ATP9B: variants seen among roughly 807,000 people sequenced by gnomAD.
ATP9B encodes ATPase phospholipid transporting 9B, also known as probable phospholipid-transporting ATPase IIB.
In ATP9B, 110 loss-of-function variants were observed where a neutral mutation model predicts 146.1. That is an observed-to-expected ratio of 0.75 (90% CI 0.65 to 0.88). The LOEUF is 0.88. Ranked by LOEUF, ATP9B falls within the 40% of genes least tolerant of loss-of-function variation. The pLI is 0.00. For missense variants in ATP9B, 1,499 were observed against 1,496.4 expected, an observed-to-expected ratio of 1.00 and a Z score of -0.03; for synonymous variants, 604 against 569.7, an observed-to-expected ratio of 1.06 and a Z score of -0.86.
At chr18:79,365,545 C>G (rs933219462) in intron 26 of ATP9B, among the ~76,000 whole-genome samples, 1 of 152,248 alleles carries the variant, frequency 6.6e-6, no homozygotes, top group Non-Finnish European at 1.5e-5. Flanking sequence ...ATACTAAATC[C>G]TATATATGAA....
At chr18:79,129,280 G>A (rs2094338333) in intron 5 of ATP9B, among the ~76,000 whole-genome samples, 1 of 152,128 alleles carries the variant, frequency 6.6e-6, no homozygotes, top group Non-Finnish European at 1.5e-5. Flanking sequence ...AAATTCCCCT[G>A]TGTATGCTGG....
intron 8 of ATP9B, among the ~76,000 whole-genome samples, chr18:79,178,680 G>A (rs886900929): frequency 6.6e-6 from 1 of 152,128 alleles, no homozygotes; most frequent in Non-Finnish European, 1.5e-5. Context: ...GATTTCATAT[G>A]TGTTACACCA....
intron 26 of ATP9B, among the ~76,000 whole-genome samples, chr18:79,372,168 GC>G (rs2097075250): frequency 6.7e-6 from 1 of 149,056 alleles, no homozygotes; most frequent in African/African-American, 2.6e-5. Flanking sequence ...AACCCCGTGG[GC>G]CAGAGCTCCC....
At chr18:79,238,444 G>A (rs1054637916) in intron 11 of ATP9B, among the ~76,000 whole-genome samples, 6 of 152,224 alleles carry the variant, frequency 3.9e-5, no homozygotes, top group Admixed American at 3.9e-4. Flanking sequence ...TGGGAGCAGC[G>A]TGGGCTGCTG....
chr18:79,199,469 A>G (rs1423199368), intron 9 of ATP9B, among the ~76,000 whole-genome samples: 1 of 152,084 alleles, frequency 6.6e-6, no homozygotes, highest in Non-Finnish European at 1.5e-5. Flanking sequence ...TTTTGTTAAA[A>G]ACAAAGACAC....
chr18:79,296,991 A>G (rs1206144927), intron 13 of ATP9B, among the ~76,000 whole-genome samples: 11 of 131,942 alleles, frequency 8.3e-5, no homozygotes, highest in African/African-American at 1.4e-4. Context: ...ACCCAGAGAG[A>G]AGACACAGAC....
At chr18:79,236,977 T>C (rs28609774) in intron 11 of ATP9B, among the ~76,000 whole-genome samples, 4,500 of 53,786 alleles carry the variant, frequency 0.084, 535 homozygotes, top group African/African-American at 0.16. Flanking sequence ...AGTCCGTGCA[T>C]GAATCAGTGT....
At chr18:79,231,803 T>TATACACACACACAC (rs569726473) in intron 11 of ATP9B, among the ~76,000 whole-genome samples, 2 of 114,760 alleles carry the variant, frequency 1.7e-5, no homozygotes, top group Non-Finnish European at 3.5e-5. Flanking sequence ...TATATATATA[T>TATACACACACACAC]ACACACACAC....
intron 5 of ATP9B, among the ~76,000 whole-genome samples, chr18:79,142,946 G>A (rs975487955): frequency 6.6e-6 from 1 of 152,170 alleles, no homozygotes; most frequent in African/African-American, 2.4e-5. Flanking sequence ...AATGTAAAAG[G>A]AAGGAACATT....
In ATP9B at chr18:79,069,433, A is replaced by G. The variant is rs769640790; in HGVS notation, c.23A>G (p.Tyr8Cys). ...AACATGGCGGACCAGATCCCGCTTT[A>G]CCCGGTGCGTAGCGCAGCGGCGGCC... MADQIPL[Y>C]PVRSAAAAAA... The change falls in exon 1 of 30, where the codon TAC (tyrosine) becomes TGC (cysteine). Residue 8 changes from tyrosine (Y) to cysteine (C), a missense_variant. Transcript: ENST00000426216. 51 of 1,520,620 alleles carry G rather than the reference A, an allele frequency of 3.4e-5. No individual in the cohort carries two copies. Among genetic ancestry groups the G allele is most frequent in the Non-Finnish European group, 4.5e-5 (51 of 1,137,804 alleles). 94.2% of individuals were successfully genotyped at this position (1,520,620 alleles called of 1,614,324 possible). A position where few individuals can be genotyped will look rare whatever the true frequency, so the allele number is the denominator to read the frequency against.
intron 19 of ATP9B, among the ~76,000 whole-genome samples, chr18:79,340,740 A>G (rs2096853696): frequency 6.6e-6 from 1 of 152,256 alleles, no homozygotes; most frequent in African/African-American, 2.4e-5. Flanking sequence ...TAAGATGTGC[A>G]TGGGTATGCA....
chr18:79,348,270 CAA>C, intron 25 of ATP9B, 74 bp downstream of exon 25: 6 of 808,648 alleles, frequency 7.4e-6, no homozygotes, highest in South Asian at 1.9e-5. Flanking sequence ...AAAAAAAAAA[CAA>C]AAAACGTATA....
intron 9 of ATP9B, among the ~76,000 whole-genome samples, chr18:79,196,024 A>G (rs1373300110): frequency 1.3e-5 from 2 of 152,164 alleles, no homozygotes; most frequent in Middle Eastern, 3.2e-3. Context: ...CTGCTGTCAT[A>G]TTTTACATAT....
In ATP9B at chr18:79,348,060, C is replaced by T. The variant is rs2096900576; in HGVS notation, c.2839-72C>T. The T allele has an allele frequency of 5.0e-6, 8 of 1,603,370 alleles. No homozygotes were observed. In the Admixed American group the frequency reaches 1.0e-4, roughly 20 times the overall value. On this transcript the variant is annotated intron_variant, in intron 24 of 29. Transcript: ENST00000426216. Reference sequence around the variant, plus strand: ...GGGCTGTGCTTAGGAGTTAGCGAGGCCCCTGAGAGGCTTGGGGCCACAGGT... The same window carrying T: ...GGGCTGTGCTTAGGAGTTAGCGAGGTCCCTGAGAGGCTTGGGGCCACAGGT...
chr18:79,259,460 G>A (rs1219401188), intron 12 of ATP9B, among the ~76,000 whole-genome samples: 1 of 152,228 alleles, frequency 6.6e-6, no homozygotes, highest in Admixed American at 6.5e-5. Flanking sequence ...GCTAGAGGCA[G>A]AATGTTGTTT....
At chr18:79,373,488 C>T (rs907301818) in intron 27 of ATP9B, among the ~76,000 whole-genome samples, 9 of 140,020 alleles carry the variant, frequency 6.4e-5, no homozygotes, top group African/African-American at 1.1e-4. Flanking sequence ...GGCCATTATC[C>T]GCCTTTTTTT....
chr18:79,147,249 C>G (rs201275931), intron 6 of ATP9B, among the ~76,000 whole-genome samples: 19 of 95,894 alleles, frequency 2.0e-4, no homozygotes, highest in African/African-American at 6.0e-4. Context: ...AGTCCAGTTA[C>G]AAGTGGTTAC....
intron 26 of ATP9B, among the ~76,000 whole-genome samples, chr18:79,367,561 G>A (rs1209560281): frequency 1.3e-5 from 2 of 151,350 alleles, no homozygotes; most frequent in Admixed American, 1.3e-4. Context: ...CCATGTGTAC[G>A]CAGAGAAAGC....
chr18:79,118,713 A>T (rs989651517), intron 4 of ATP9B, among the ~76,000 whole-genome samples: 18 of 151,828 alleles, frequency 1.2e-4, no homozygotes, highest in Admixed American at 1.1e-3. Context: ...TATATTTATG[A>T]TTTTAATGTA....
Sources: allele counts gnomAD v4.1 joint callset (sites outside exome capture counted in the v4.1 genomes callset), GRCh38; gene constraint gnomAD v4.1.1; transcripts MANE v1.5; gene names NCBI Gene and HGNC (gene_info 2026-07-23, HGNC 2026-07-21).